CDH13: variants seen among roughly 807,000 people sequenced by gnomAD.
The protein encoded by CDH13 is cadherin 13.
CDH13 carries 24 observed loss-of-function variants against 63.8 expected under a neutral mutation model. That is an observed-to-expected ratio of 0.38 (90% CI 0.27 to 0.53). CDH13 has a LOEUF of 0.53. CDH13 is among the 20% of genes least tolerant of loss of function. The probability of loss-of-function intolerance (pLI) is 0.85; values close to 1 mark genes in which losing one functional copy is unlikely to be tolerated. For synonymous variants in CDH13, 503 were observed against 355.3 expected (o/e 1.42, Z -4.67); for missense variants, 1,049 against 903.1 (o/e 1.16, Z -2.07).
intron 5 of CDH13, among the ~76,000 whole-genome samples, chr16:83,227,749 G>A (rs1182201927): frequency 4.6e-5 from 7 of 152,152 alleles, no homozygotes; most frequent in Admixed American, 4.6e-4. Flanking sequence ...AGCATCTGGG[G>A]ACCATAGAGC....
At chr16:82,659,962 T>A (rs182877357) in intron 1 of CDH13, among the ~76,000 whole-genome samples, 6 of 152,230 alleles carry the variant, frequency 3.9e-5, no homozygotes, top group African/African-American at 1.4e-4. Flanking sequence ...TGACTCCCCA[T>A]TGAGAACCAC....
chr16:82,647,580 A>G (rs141798338), intron 1 of CDH13, among the ~76,000 whole-genome samples: 1 of 152,190 alleles, frequency 6.6e-6, no homozygotes, highest in East Asian at 1.9e-4. Flanking sequence ...CTTCCAAGCC[A>G]TCCCACCTGA....
intron 2 of CDH13, among the ~76,000 whole-genome samples, chr16:82,870,299 C>G (rs748146941): frequency 6.6e-6 from 1 of 151,970 alleles, no homozygotes; most frequent in African/African-American, 2.4e-5. Flanking sequence ...GGCTTTTATC[C>G]AAAAGACGGG....
At chr16:83,349,894 C>T (rs902288210) in intron 6 of CDH13, among the ~76,000 whole-genome samples, 1 of 152,130 alleles carries the variant, frequency 6.6e-6, no homozygotes, top group Admixed American at 6.5e-5. Context: ...GTCACTGCAC[C>T]TGGCCCTTGA....
At position 83,795,596 on chromosome 16, in the gene CDH13, G is replaced by A. The variant is rs1379765617; in HGVS notation, c.*566G>A. The A allele has an allele frequency of 6.6e-6, 1 of 152,504 alleles. No individual in the cohort carries two copies. Among genetic ancestry groups the A allele is most frequent in the African/African-American group, 2.4e-5 (1 of 41,438 alleles). 9.4% of individuals were successfully genotyped at this position (152,504 alleles called of 1,614,324 possible). Reference sequence around the variant, plus strand: ...TTTGCTCCGAAGCTACTTCTCCACTGTCCCGTTCAGTCTGAATGCTGCCAC... The same window carrying A: ...TTTGCTCCGAAGCTACTTCTCCACTATCCCGTTCAGTCTGAATGCTGCCAC... On this transcript the variant is annotated 3_prime_UTR_variant, in exon 14 of 14. Coordinates refer to ENST00000567109, the MANE Select transcript of CDH13 (RefSeq NM_001257.5).
At chr16:83,472,950 C>T (rs2073496472) in intron 6 of CDH13, among the ~76,000 whole-genome samples, 2 of 152,162 alleles carry the variant, frequency 1.3e-5, no homozygotes, top group Non-Finnish European at 2.9e-5. Context: ...TCAGTTCTGA[C>T]ATCCACGGTG....
intron 1 of CDH13, among the ~76,000 whole-genome samples, chr16:82,855,607 G>A (rs1055223704): frequency 2.6e-5 from 4 of 152,168 alleles, no homozygotes; most frequent in African/African-American, 7.2e-5. Flanking sequence ...TGTGCCACTT[G>A]GGATGCCAGC....
intron 1 of CDH13, among the ~76,000 whole-genome samples, chr16:82,704,764 C>G (rs1034453041): frequency 6.6e-6 from 1 of 152,194 alleles, no homozygotes. Context: ...CTCCTGAATA[C>G]TTAATTTCCC....
rs1216092789 is a variant in CDH13, at chr16:82,768,257, G to T, written c.46-90105G>T. 2.6e-5 allele frequency among the ~76,000 whole-genome samples: 4 copies of T among 152,296 alleles called. No homozygotes were observed. The South Asian group carries it at 8.3e-4, about 32-fold the overall frequency. ...AGTTTCATAAGGTGTTCCCTGCAGTGGCCTGACTGTGCAAGGTGCTGATAG... is the reference window on the plus strand; with the variant it reads ...AGTTTCATAAGGTGTTCCCTGCAGTTGCCTGACTGTGCAAGGTGCTGATAG... On this transcript the variant is annotated intron_variant, in intron 1 of 13. Coordinates refer to ENST00000567109, the MANE Select transcript of CDH13 (RefSeq NM_001257.5).
chr16:83,155,081 G>A (rs2037151356), intron 4 of CDH13, among the ~76,000 whole-genome samples: 1 of 152,200 alleles, frequency 6.6e-6, no homozygotes, highest in African/African-American at 2.4e-5. Flanking sequence ...CCACTTCTGT[G>A]GGAACAGTCA....
chr16:83,682,939 C>T (rs1445690014), intron 10 of CDH13, among the ~76,000 whole-genome samples: 3 of 152,186 alleles, frequency 2.0e-5, no homozygotes, highest in Admixed American at 1.3e-4. Flanking sequence ...CAACCCCAAC[C>T]CCACTGAAAC....
chr16:83,214,285 A>G (rs2039428408), intron 4 of CDH13, among the ~76,000 whole-genome samples: 1 of 152,030 alleles, frequency 6.6e-6, no homozygotes, highest in South Asian at 2.1e-4. Flanking sequence ...TTTGTTATTA[A>G]AAAGGAAACC....
chr16:83,172,080 C>A (rs1276473394), intron 4 of CDH13, among the ~76,000 whole-genome samples: 8 of 152,094 alleles, frequency 5.3e-5, no homozygotes. Flanking sequence ...AGGATCTTTA[C>A]AGAGGTAATC....
At chr16:83,431,240 C>G (rs375176303) in intron 6 of CDH13, among the ~76,000 whole-genome samples, 1 of 151,608 alleles carries the variant, frequency 6.6e-6, no homozygotes, top group African/African-American at 2.4e-5. Context: ...GGGTTGGTTC[C>G]GAGTCTTTGC....
intron 1 of CDH13, among the ~76,000 whole-genome samples, chr16:82,710,933 A>ATT (rs538695679): frequency 6.8e-6 from 1 of 147,314 alleles, no homozygotes; most frequent in African/African-American, 2.5e-5. Context: ...CTGTCACCTG[A>ATT]TTTTTTTTTT....
At chr16:83,233,530 A>C (rs944680241) in intron 5 of CDH13, among the ~76,000 whole-genome samples, 3 of 152,182 alleles carry the variant, frequency 2.0e-5, no homozygotes, top group Non-Finnish European at 2.9e-5. Flanking sequence ...GGCTAAAACC[A>C]AGCTGTGGGC....
rs778865103 is a variant in CDH13, at chr16:83,789,182, C to G, written c.2134+5710C>G. Among the ~76,000 whole-genome samples, 102 of 152,142 alleles carry G rather than the reference C, an allele frequency of 6.7e-4. 1 individual carries two copies. The highest frequency in any genetic ancestry group is 1.3e-3 in the Non-Finnish European group (87 of 68,032). On this transcript the variant is annotated intron_variant, in intron 13 of 13. Coordinates refer to ENST00000567109, the MANE Select transcript of CDH13 (RefSeq NM_001257.5). ...AGGTAACCACCAGTGCCCAACCACT[C>G]AAATGCATAAAAGCAGACATCAAAG...
chr16:82,823,098 G>A (rs1260600074), intron 1 of CDH13: 1 of 152,280 alleles, frequency 6.6e-6, no homozygotes, highest in Admixed American at 6.5e-5. Flanking sequence ...TTGGCCTGAG[G>A]CTCCAAAGAT....
At chr16:83,223,346 A>G (rs2039753009) in intron 5 of CDH13, among the ~76,000 whole-genome samples, 1 of 152,210 alleles carries the variant, frequency 6.6e-6, no homozygotes, top group Non-Finnish European at 1.5e-5. Context: ...CCTATTCCTG[A>G]AAGCCTTTTA....
Sources: gnomAD v4.1 joint callset for allele counts (sites outside exome capture counted in the v4.1 genomes callset) on GRCh38, gnomAD v4.1.1 for gene constraint, MANE v1.5 for transcripts, NCBI Gene and HGNC (gene_info 2026-07-23, HGNC 2026-07-21) for gene names.